SPATA16: variants seen among roughly 807,000 people sequenced by gnomAD.
SPATA16 encodes spermatogenesis-associated protein 16.
SPATA16 carries 36 observed loss-of-function variants against 63.3 expected under a neutral mutation model. The observed-to-expected ratio is 0.57, with a 90% CI of 0.44 to 0.75. The LOEUF (loss-of-function observed/expected upper bound fraction) is 0.75. SPATA16 is among the 30% of genes least tolerant of loss of function. The pLI is 0.00. For missense variants in SPATA16, 646 were observed against 679.3 expected (o/e 0.95, Z 0.54); for synonymous variants, 203 against 216.7 (o/e 0.94, Z 0.56).
chr3:173,051,931 C>T (rs112136355), intron 2 of SPATA16, among the ~76,000 whole-genome samples: 4,030 of 152,108 alleles, frequency 0.026, 71 homozygotes, highest in Middle Eastern at 0.11. Context: ...CCTGCCTCAG[C>T]CGCCCAAGTA....
chr3:172,976,703 C>T (rs1734168281), intron 5 of SPATA16, among the ~76,000 whole-genome samples: 1 of 151,932 alleles, frequency 6.6e-6, no homozygotes, highest in Admixed American at 6.6e-5. Flanking sequence ...AGTAGCACGC[C>T]TGGAAAAGTA....
intron 6 of SPATA16, among the ~76,000 whole-genome samples, chr3:172,948,361 C>T (rs1348711126): frequency 1.3e-5 from 2 of 152,132 alleles, no homozygotes; most frequent in Admixed American, 6.5e-5. Context: ...GTATTTTACC[C>T]TAGAATAGTG....
At chr3:172,937,269 G>C (rs567742030) in intron 6 of SPATA16, among the ~76,000 whole-genome samples, 1 of 152,272 alleles carries the variant, frequency 6.6e-6, no homozygotes, top group African/African-American at 2.4e-5. Flanking sequence ...TGGTGAGGGA[G>C]GAGGAACCTT....
At chr3:172,913,791 T>A in intron 9 of SPATA16, 47 bp from the exon 10 acceptor site, 1 of 1,490,948 alleles carries the variant, frequency 6.7e-7, no homozygotes, top group Non-Finnish European at 9.3e-7. Flanking sequence ...CACACAGAAA[T>A]AACTTCTCTA....
chr3:173,023,139 G>GTGTT (rs761569629), intron 3 of SPATA16, among the ~76,000 whole-genome samples: 4,448 of 123,200 alleles, frequency 0.036, 169 homozygotes, highest in African/African-American at 0.14. Context: ...GCTTGTGTAT[G>GTGTT]TGTGTGTGTG....
Position 172,916,445 on chromosome 3 carries a change from A to G in SPATA16, c.1375T>C (p.Leu459=), listed in dbSNP as rs747684977. The part of the protein sequence containing the change: ...FPASSGVMEK[L]QYASLLSQLQ... ...TGGCTGAGGAGGCTGGCATATTGCA[A>G]CTTCTCCATCACACCTGAGGATGCA... The change falls in exon 9 of 11, where the codon TTG becomes CTG. Residue 459 remains leucine, a synonymous_variant. Coordinates refer to ENST00000351008, the MANE Select transcript of SPATA16 (RefSeq NM_031955.6). 3.7e-6 allele frequency: 6 copies of G among 1,613,814 alleles called. No individual in the cohort carries two copies. The South Asian group carries it at 4.4e-5, about 12-fold the overall frequency.
At chr3:172,924,871 C>T (rs76307962) in intron 7 of SPATA16, among the ~76,000 whole-genome samples, 8,608 of 152,210 alleles carry the variant, frequency 0.057, 303 homozygotes, top group South Asian at 0.12. Context: ...TTGAAAGTTT[C>T]GACTCGGATT....
chr3:173,005,044 C>T (rs911914390), intron 4 of SPATA16, among the ~76,000 whole-genome samples: 28 of 152,184 alleles, frequency 1.8e-4, no homozygotes, highest in Admixed American at 7.2e-4. Flanking sequence ...AGAATCAGGC[C>T]GGGTGCGGTG....
At chr3:173,076,606 G>T (rs890823450) in intron 2 of SPATA16, among the ~76,000 whole-genome samples, 7 of 151,906 alleles carry the variant, frequency 4.6e-5, no homozygotes, top group African/African-American at 1.7e-4. Context: ...TTAAACAGCT[G>T]AGATTTTATA....
chr3:173,100,719 T>G (rs969339906), intron 2 of SPATA16, among the ~76,000 whole-genome samples: 1 of 149,130 alleles, frequency 6.7e-6, no homozygotes, highest in Non-Finnish European at 1.5e-5. Flanking sequence ...GAGTAAATTC[T>G]TGTTTATCAA....
intron 3 of SPATA16, among the ~76,000 whole-genome samples, chr3:173,043,637 A>G (rs899084668): frequency 1.3e-5 from 2 of 151,842 alleles, no homozygotes; most frequent in African/African-American, 4.8e-5. Flanking sequence ...TATCATTTTC[A>G]TATAATAGTC....
At chr3:172,977,076 A>C (rs1257068322) in intron 4 of SPATA16, 24 bp from the exon 5 acceptor site, 3 of 1,593,586 alleles carry the variant, frequency 1.9e-6, no homozygotes, top group South Asian at 2.2e-5. Flanking sequence ...CAGATTAAAA[A>C]AAAAACAAAA....
intron 2 of SPATA16, among the ~76,000 whole-genome samples, chr3:173,090,750 T>C (rs1737201221): frequency 6.6e-6 from 1 of 152,192 alleles, no homozygotes; most frequent in African/African-American, 2.4e-5. Flanking sequence ...GCCAGTATAT[T>C]CAAATGGATA....
At chr3:173,094,802 A>G (rs1452425411) in intron 2 of SPATA16, among the ~76,000 whole-genome samples, 3 of 152,020 alleles carry the variant, frequency 2.0e-5, no homozygotes, top group Non-Finnish European at 4.4e-5. Flanking sequence ...CGTAGGGCTA[A>G]GCCCTGGCCA....
At chr3:172,901,714 G>A (rs780896551) in intron 10 of SPATA16, among the ~76,000 whole-genome samples, 13 of 152,256 alleles carry the variant, frequency 8.5e-5, no homozygotes, top group Non-Finnish European at 1.5e-4. Flanking sequence ...AACACCTGAC[G>A]GAGAGGCTTC....
intron 6 of SPATA16, among the ~76,000 whole-genome samples, chr3:172,939,257 A>G (rs1313712319): frequency 1.3e-5 from 2 of 152,182 alleles, no homozygotes; most frequent in Non-Finnish European, 2.9e-5. Context: ...GTGCCCTGCA[A>G]ATAAAGCCTT....
chr3:173,126,359 G>A (rs981773410), intron 1 of SPATA16, among the ~76,000 whole-genome samples: 2 of 152,190 alleles, frequency 1.3e-5, no homozygotes, highest in African/African-American at 4.8e-5. Context: ...AGTAGAGGAA[G>A]TAATGTTTCA....
At chr3:172,960,965 C>A (rs1733748231) in intron 5 of SPATA16, among the ~76,000 whole-genome samples, 1 of 142,668 alleles carries the variant, frequency 7.0e-6, no homozygotes, top group Admixed American at 7.2e-5. Flanking sequence ...CTCTCTCTCT[C>A]TCTTTCTTTT....
At chr3:173,132,092 A>G (rs1738402071) in intron 1 of SPATA16, among the ~76,000 whole-genome samples, 1 of 152,168 alleles carries the variant, frequency 6.6e-6, no homozygotes, top group Non-Finnish European at 1.5e-5. Flanking sequence ...GAGAAATGAT[A>G]AAGAACTTTA....
Sources: gnomAD v4.1 joint callset for allele counts (sites outside exome capture counted in the v4.1 genomes callset) on GRCh38, gnomAD v4.1.1 for gene constraint, MANE v1.5 for transcripts, NCBI Gene and HGNC (gene_info 2026-07-23, HGNC 2026-07-21) for gene names.